The following SLC35F1 variants were observed in gnomAD, a reference collection of about 807,000 sequenced individuals.
SLC35F1 encodes the protein chromosome 6 open reading frame 169.
SLC35F1 carries 14 observed loss-of-function variants against 48.7 expected under a neutral mutation model. That is an observed-to-expected ratio of 0.29 (90% confidence interval 0.19 to 0.45). The LOEUF (loss-of-function observed/expected upper bound fraction) is 0.45, where lower values mean the gene tolerates loss of function less well. Ranked by LOEUF, SLC35F1 falls within the 20% of genes least tolerant of loss-of-function variation. The pLI is 1.00. For synonymous variants in SLC35F1, 190 were observed against 202.2 expected, an observed-to-expected ratio of 0.94 and a Z score of 0.51; for missense variants, 404 against 500.0, an observed-to-expected ratio of 0.81 and a Z score of 1.83.
intron 1 of SLC35F1, among the ~76,000 whole-genome samples, chr6:117,987,395 CCTT>C (rs1776862081): frequency 6.7e-6 from 1 of 149,570 alleles, no homozygotes; most frequent in African/African-American, 2.5e-5. Flanking sequence ...TCCTCTTCCT[CCTT>C]CTCTCCTTCT....
intron 1 of SLC35F1, 96 bp from the exon 2 acceptor site, chr6:118,154,349 C>T: frequency 1.0e-6 from 1 of 970,180 alleles, no homozygotes; most frequent in South Asian, 1.7e-5. Context: ...GCACTTAATC[C>T]AGTGCATGCT....
chr6:117,955,270 C>G (rs1268060798), intron 1 of SLC35F1, among the ~76,000 whole-genome samples: 2 of 152,132 alleles, frequency 1.3e-5, no homozygotes, highest in Admixed American at 6.5e-5. Context: ...GAATTACAAG[C>G]AAAAATGAAT....
chr6:118,039,882 T>C lies in SLC35F1; in HGVS notation c.174-114563T>C, dbSNP rs116037882. 6.5e-3 allele frequency among the ~76,000 whole-genome samples: 981 copies of C among 150,810 alleles called. 14 individuals are homozygous for C. Among genetic ancestry groups the C allele is most frequent in the African/African-American group, 0.022 (909 of 41,108 alleles). On this transcript the variant is annotated intron_variant, in intron 1 of 7. Transcript: ENST00000360388. Reference sequence around the variant, plus strand: ...TGTGTATGCTGGACACTAAATGTTATGTTATATAGACTTTGGGTTCTGTTA... The same window carrying C: ...TGTGTATGCTGGACACTAAATGTTACGTTATATAGACTTTGGGTTCTGTTA...
At position 117,907,310 on chromosome 6, in the gene SLC35F1, C is replaced by T. The variant is rs1775697223; in HGVS notation, c.-417C>T. Reference sequence around the variant, plus strand: ...GAGCGGGGCACAGGCTGAGGCGGCGCCAGCACAACTGCCGCCGCGCGCCCC... The same window carrying T: ...GAGCGGGGCACAGGCTGAGGCGGCGTCAGCACAACTGCCGCCGCGCGCCCC... On this transcript the variant is annotated 5_prime_UTR_variant, in exon 1 of 8. Transcript: ENST00000360388. Among the ~76,000 whole-genome samples the T allele has an allele frequency of 6.6e-6, 1 of 150,874 alleles. No homozygotes were observed. The highest frequency in any genetic ancestry group is 2.4e-5 in the African/African-American group (1 of 41,258).
At chr6:118,223,724 T>C (rs1309488861) in intron 2 of SLC35F1, among the ~76,000 whole-genome samples, 1 of 152,238 alleles carries the variant, frequency 6.6e-6, no homozygotes, top group East Asian at 1.9e-4. Flanking sequence ...TTCTGGCCCG[T>C]TGACACTCCA....
At chr6:118,266,028 G>C (rs1209413731) in intron 3 of SLC35F1, among the ~76,000 whole-genome samples, 2 of 152,282 alleles carry the variant, frequency 1.3e-5, no homozygotes, top group East Asian at 3.9e-4. Context: ...TGAGGGCCTC[G>C]TGATTTAAGA....
At chr6:118,224,667 G>C (rs1562330776) in intron 2 of SLC35F1, among the ~76,000 whole-genome samples, 1 of 152,196 alleles carries the variant, frequency 6.6e-6, no homozygotes, top group African/African-American at 2.4e-5. Context: ...ATTATTAGTA[G>C]CTGTTATAAA....
chr6:117,948,679 C>A (rs1776324089), intron 1 of SLC35F1, among the ~76,000 whole-genome samples: 1 of 152,038 alleles, frequency 6.6e-6, no homozygotes, highest in Non-Finnish European at 1.5e-5. Flanking sequence ...TAACTGCCTG[C>A]CCTGAAAGAG....
At chr6:118,075,005 A>G (rs1772796979) in intron 1 of SLC35F1, among the ~76,000 whole-genome samples, 1 of 152,354 alleles carries the variant, frequency 6.6e-6, no homozygotes, top group East Asian at 1.9e-4. Context: ...TTGCTACACA[A>G]GTGCCAAAAC....
At chr6:118,040,349 C>G (rs62431215) in intron 1 of SLC35F1, among the ~76,000 whole-genome samples, 2,488 of 152,252 alleles carry the variant, frequency 0.016, 29 homozygotes, top group Middle Eastern at 0.027. Context: ...TTTTGTCTGC[C>G]TGCCCTAGTC....
At chr6:118,044,054 G>A (rs9374703) in intron 1 of SLC35F1, among the ~76,000 whole-genome samples, 22,261 of 152,208 alleles carry the variant, frequency 0.15, 1,897 homozygotes, top group Admixed American at 0.23. Flanking sequence ...GCACTTTATA[G>A]ATGCCAGGAT....
chr6:118,081,083 G>A (rs904611645), intron 1 of SLC35F1, among the ~76,000 whole-genome samples: 1 of 152,126 alleles, frequency 6.6e-6, no homozygotes, highest in Admixed American at 6.5e-5. Flanking sequence ...GAAGCTCAGA[G>A]CGTCACATTA....
intron 3 of SLC35F1, among the ~76,000 whole-genome samples, chr6:118,258,548 A>C (rs1775673743): frequency 1.3e-5 from 2 of 152,146 alleles, no homozygotes; most frequent in Non-Finnish European, 2.9e-5. Context: ...AGACTAAAAA[A>C]TATGGCAGTA....
chr6:117,939,842 C>T (rs1179634668), intron 1 of SLC35F1, among the ~76,000 whole-genome samples: 2 of 152,060 alleles, frequency 1.3e-5, no homozygotes, highest in Non-Finnish European at 2.9e-5. Flanking sequence ...GGGGACAGGT[C>T]ATTGCATCCT....
intron 7 of SLC35F1, among the ~76,000 whole-genome samples, chr6:118,300,109 C>G (rs557079848): frequency 6.6e-6 from 1 of 152,252 alleles, no homozygotes; most frequent in South Asian, 2.1e-4. Flanking sequence ...TTCAACCAAC[C>G]ATGGATTGAA....
intron 2 of SLC35F1, among the ~76,000 whole-genome samples, chr6:118,165,395 T>C (rs993225881): frequency 2.6e-5 from 4 of 152,196 alleles, no homozygotes; most frequent in Non-Finnish European, 4.4e-5. Context: ...AGACAGAACT[T>C]TTATTACAAA....
intron 3 of SLC35F1, among the ~76,000 whole-genome samples, chr6:118,254,438 C>T (rs117728521): frequency 0.022 from 3,374 of 152,188 alleles, 50 homozygotes; most frequent in Middle Eastern, 0.048. Flanking sequence ...TGTGCCACCA[C>T]GCCTAGCTTA....
At chr6:118,188,428 T>C (rs577936188) in intron 2 of SLC35F1, among the ~76,000 whole-genome samples, 1 of 152,044 alleles carries the variant, frequency 6.6e-6, no homozygotes, top group East Asian at 1.9e-4. Context: ...CATGCACCTG[T>C]AATCCCAGCT....
Position 117,943,173 on chromosome 6 carries a change from C to T in SLC35F1, c.173+35274C>T, listed in dbSNP as rs112798601. ...TGCTCTATTTCAAATTCCATTTGAACGTGACATGTGTATCTCTAACCGAAT... is the reference window on the plus strand; with the variant it reads ...TGCTCTATTTCAAATTCCATTTGAATGTGACATGTGTATCTCTAACCGAAT... On this transcript the variant is annotated intron_variant, in intron 1 of 7. Transcript: ENST00000360388. 9.2e-5 allele frequency among the ~76,000 whole-genome samples: 14 copies of T among 152,236 alleles called. No individual in the cohort carries two copies. In the South Asian group the frequency reaches 1.4e-3, roughly 16 times the overall value.
Sources: allele counts gnomAD v4.1 joint callset (sites outside exome capture counted in the v4.1 genomes callset), GRCh38; gene constraint gnomAD v4.1.1; transcripts MANE v1.5; gene names NCBI Gene and HGNC (gene_info 2026-07-23, HGNC 2026-07-21).